Variants in PTPRR observed in about 807,000 individuals in gnomAD.
PTPRR encodes the protein protein tyrosine phosphatase receptor type R.
In PTPRR, 38 loss-of-function variants were observed where a neutral mutation model predicts 77.2. That is an observed-to-expected ratio of 0.49 (90% CI 0.38 to 0.65). The LOEUF (loss-of-function observed/expected upper bound fraction) is 0.65, where lower values mean the gene tolerates loss of function less well. PTPRR is among the 30% of genes least tolerant of loss of function. PTPRR has a pLI of 0.00. For synonymous variants in PTPRR, 299 were observed against 283.1 expected (o/e 1.06, Z -0.57); for missense variants, 744 against 799.2 (o/e 0.93, Z 0.83).
At chr12:70,901,227 A>G (rs1484043254) in intron 1 of PTPRR, among the ~76,000 whole-genome samples, 3 of 151,608 alleles carry the variant, frequency 2.0e-5, no homozygotes, top group East Asian at 1.9e-4. Flanking sequence ...TAGAACTACC[A>G]TATGTTCCAG....
chr12:70,891,200 G>A (rs1382985851), intron 2 of PTPRR, among the ~76,000 whole-genome samples: 1 of 152,086 alleles, frequency 6.6e-6, no homozygotes, highest in Non-Finnish European at 1.5e-5. Flanking sequence ...GAAATGACCT[G>A]CCAGAATTCC....
chr12:70,898,562 C>G (rs1413894883), intron 1 of PTPRR, among the ~76,000 whole-genome samples: 1 of 148,526 alleles, frequency 6.7e-6, no homozygotes, highest in African/African-American at 2.4e-5. Context: ...TATATACACA[C>G]ATATATATGT....
intron 1 of PTPRR, chr12:70,906,821 A>T (rs1893630318): frequency 6.6e-6 from 1 of 152,164 alleles, no homozygotes; most frequent in African/African-American, 2.4e-5. Flanking sequence ...TTAAAAAAAA[A>T]TCAGTTTCTA....
chr12:70,811,536 C>G (rs1476529759), intron 2 of PTPRR, among the ~76,000 whole-genome samples: 1 of 152,162 alleles, frequency 6.6e-6, no homozygotes, highest in Non-Finnish European at 1.5e-5. Flanking sequence ...GGCCTCCATG[C>G]AAAACACAGC....
intron 2 of PTPRR, among the ~76,000 whole-genome samples, chr12:70,823,143 ACAC>A (rs1892051032): frequency 6.6e-6 from 1 of 151,192 alleles, no homozygotes. Context: ...ACACACACAC[ACAC>A]ACACACACAG....
At chr12:70,783,865 G>T (rs1347508912) in intron 2 of PTPRR, among the ~76,000 whole-genome samples, 1 of 38,678 alleles carries the variant, frequency 2.6e-5, no homozygotes, top group African/African-American at 5.9e-5. Flanking sequence ...GGGGGGGACG[G>T]GGGGGGGGGG....
At chr12:70,701,351 A>C (rs370040654) in intron 6 of PTPRR, 28 bp from the exon 7 acceptor site, 5 of 1,599,448 alleles carry the variant, frequency 3.1e-6, no homozygotes, top group Non-Finnish European at 4.3e-6. Context: ...GTTATGTTTA[A>C]ACACCACATA....
chr12:70,782,495 A>T (rs945530252), intron 2 of PTPRR, among the ~76,000 whole-genome samples: 1 of 152,162 alleles, frequency 6.6e-6, no homozygotes, highest in Non-Finnish European at 1.5e-5. Flanking sequence ...TACACCATGG[A>T]ATACTATGCA....
intron 6 of PTPRR, among the ~76,000 whole-genome samples, chr12:70,723,927 ATTTGC>A (rs1889346456): frequency 6.6e-6 from 1 of 152,178 alleles, no homozygotes; most frequent in African/African-American, 2.4e-5. Context: ...GAGCATGGCA[ATTTGC>A]TCTTTATTTT....
At chr12:70,889,711 T>C (rs762559942) in intron 2 of PTPRR, among the ~76,000 whole-genome samples, 1 of 152,032 alleles carries the variant, frequency 6.6e-6, no homozygotes. Context: ...TGCCTCTGTA[T>C]CCTCTCCTCC....
chr12:70,754,889 T>C (rs562931721), intron 4 of PTPRR: 4 of 594,266 alleles, frequency 6.7e-6, no homozygotes, highest in East Asian at 8.6e-5. Context: ...ATTGTTAGAA[T>C]ATCACATATT....
At chr12:70,798,413 T>C (rs1054313736) in intron 2 of PTPRR, among the ~76,000 whole-genome samples, 6 of 152,204 alleles carry the variant, frequency 3.9e-5, no homozygotes, top group African/African-American at 1.4e-4. Context: ...TTTAAAAATA[T>C]ACACGAGATC....
chr12:70,654,522 G>A (rs528993402), intron 13 of PTPRR, among the ~76,000 whole-genome samples: 39 of 152,254 alleles, frequency 2.6e-4, no homozygotes, highest in African/African-American at 8.7e-4. Flanking sequence ...GCAACAGAGC[G>A]AGACTCTGTC....
intron 2 of PTPRR, among the ~76,000 whole-genome samples, chr12:70,815,110 C>A (rs1210638271): frequency 8.1e-6 from 1 of 123,384 alleles, no homozygotes; most frequent in African/African-American, 3.0e-5. Flanking sequence ...AAAGTCTGAA[C>A]ATTCTAAGGA....
intron 2 of PTPRR, among the ~76,000 whole-genome samples, chr12:70,851,346 A>G (rs1460950090): frequency 1.3e-5 from 2 of 152,206 alleles, no homozygotes; most frequent in African/African-American, 4.8e-5. Context: ...ATGATGGAAT[A>G]TTCTAAAAGA....
intron 12 of PTPRR, among the ~76,000 whole-genome samples, chr12:70,659,720 A>T (rs1886725594): frequency 6.6e-6 from 1 of 152,204 alleles, no homozygotes; most frequent in African/African-American, 2.4e-5. Flanking sequence ...ATAAATAGAC[A>T]CATAGTAAAC....
At chr12:70,722,805 A>G (rs1000142244) in intron 6 of PTPRR, among the ~76,000 whole-genome samples, 4 of 152,176 alleles carry the variant, frequency 2.6e-5, no homozygotes, top group Non-Finnish European at 5.9e-5. Flanking sequence ...TGGAATTTAC[A>G]ATAGAGTGAG....
chr12:70,880,981 AT>A (rs1214509850), intron 2 of PTPRR, among the ~76,000 whole-genome samples: 1 of 152,162 alleles, frequency 6.6e-6, no homozygotes, highest in East Asian at 1.9e-4. Context: ...ATGAAAAAAA[AT>A]TTTGTAATTC....
intron 2 of PTPRR, among the ~76,000 whole-genome samples, chr12:70,813,102 A>T (rs1891839005): frequency 6.6e-6 from 1 of 152,222 alleles, no homozygotes; most frequent in Non-Finnish European, 1.5e-5. Context: ...ATAATATGTG[A>T]TCGCTTAACT....
Sources: allele counts gnomAD v4.1 joint callset (sites outside exome capture counted in the v4.1 genomes callset), GRCh38; gene constraint gnomAD v4.1.1; transcripts MANE v1.5; gene names NCBI Gene and HGNC (gene_info 2026-07-23, HGNC 2026-07-21).